The following TMPRSS11E variants were observed in gnomAD, a reference collection of about 807,000 sequenced individuals.
The protein encoded by TMPRSS11E is transmembrane protease serine 11E.
A neutral mutation model predicts 48.1 loss-of-function variants in TMPRSS11E; 38 were observed. The observed-to-expected ratio is 0.79, with a 90% CI of 0.61 to 1.04. The LOEUF is 1.04. TMPRSS11E is among the 50% of genes least tolerant of loss of function. The pLI, the probability that TMPRSS11E is intolerant of heterozygous loss-of-function variation, is 0.00. For missense variants in TMPRSS11E, 530 were observed against 510.8 expected (o/e 1.04, Z -0.36); for synonymous variants, 158 against 171.9 (o/e 0.92, Z 0.63).
intron 2 of TMPRSS11E, among the ~76,000 whole-genome samples, chr4:68,463,118 C>T (rs1220523434): frequency 6.6e-6 from 1 of 152,188 alleles, no homozygotes; most frequent in Admixed American, 6.5e-5. Flanking sequence ...AAAGAGTACT[C>T]TGTAACCTGG....
chr4:68,454,651 T>G (rs1052783575), intron 1 of TMPRSS11E, among the ~76,000 whole-genome samples: 1 of 151,944 alleles, frequency 6.6e-6, no homozygotes, highest in Non-Finnish European at 1.5e-5. Context: ...GCTGAATTAA[T>G]TCAGATAGAA....
intron 1 of TMPRSS11E, among the ~76,000 whole-genome samples, chr4:68,457,246 CA>C (rs1487625573): frequency 6.6e-6 from 1 of 152,090 alleles, no homozygotes; most frequent in Non-Finnish European, 1.5e-5. Flanking sequence ...AGGATATGAA[CA>C]GACACTTCTC....
chr4:68,489,079 T>C (rs536405896), intron 9 of TMPRSS11E, among the ~76,000 whole-genome samples: 1 of 152,206 alleles, frequency 6.6e-6, no homozygotes, highest in Non-Finnish European at 1.5e-5. Flanking sequence ...AGTTCTTGCA[T>C]TGGTTCTTTC....
Position 68,471,597 on chromosome 4 carries a change from T to C in TMPRSS11E, c.464T>C (p.Val155Ala), listed in dbSNP as rs764151212. The change falls in exon 5 of 10, where the codon GTA becomes GCA. Residue 155 changes from valine (V) to alanine (A), a missense_variant. By Grantham distance (64) the Val-to-Ala change is moderately conservative (BLOSUM62 0). Transcript: ENST00000305363. Reference protein sequence around the residue: ...KLQDAVGPPKVDPHSVKIKKI... With the variant: ...KLQDAVGPPKADPHSVKIKKI... ...CAAGATGCTGTAGGACCCCCTAAAG[T>C]AGATCCTCACTCAGTTAAAATTAAA... is the stretch of plus-strand genomic sequence containing the variant. 6.3e-7 allele frequency: 1 copy of C among 1,599,994 alleles called. No homozygotes were observed. The highest frequency in any genetic ancestry group is 8.5e-7 in the Non-Finnish European group (1 of 1,175,202).
chr4:68,450,034 G>A (rs1377011376), intron 1 of TMPRSS11E, among the ~76,000 whole-genome samples: 2 of 151,794 alleles, frequency 1.3e-5, no homozygotes, highest in East Asian at 1.9e-4. Flanking sequence ...TTGTTTACAG[G>A]AAAAACCTTG....
intron 4 of TMPRSS11E, among the ~76,000 whole-genome samples, chr4:68,469,386 T>C (rs1167472746): frequency 3.9e-5 from 6 of 151,952 alleles, no homozygotes; most frequent in Non-Finnish European, 7.4e-5. Flanking sequence ...TGAGAAAATC[T>C]CATCTGTCAA....
At chr4:68,485,427 A>C (rs1041835168) in intron 9 of TMPRSS11E, among the ~76,000 whole-genome samples, 3 of 152,086 alleles carry the variant, frequency 2.0e-5, no homozygotes, top group Non-Finnish European at 4.4e-5. Context: ...GATTACAGGC[A>C]TGAGCCACCG....
intron 1 of TMPRSS11E, among the ~76,000 whole-genome samples, chr4:68,457,176 C>A (rs1728655635): frequency 6.6e-6 from 1 of 152,074 alleles, no homozygotes; most frequent in South Asian, 2.1e-4. Context: ...GGCTAATATG[C>A]AGAATCTACA....
chr4:68,489,617 G>A lies in TMPRSS11E; in HGVS notation c.1111-7026G>A, dbSNP rs554790643. On this transcript the variant is annotated intron_variant, in intron 9 of 9. Coordinates refer to ENST00000305363, the MANE Select transcript of TMPRSS11E (RefSeq NM_014058.4). ...TGCCAGTGAGTGCATGCTGGTGGGCGCTCACTGACAGGGACCTGCCTTCAG... is the reference window on the plus strand; with the variant it reads ...TGCCAGTGAGTGCATGCTGGTGGGCACTCACTGACAGGGACCTGCCTTCAG... 1.0e-3 allele frequency among the ~76,000 whole-genome samples: 155 copies of A among 152,326 alleles called. 2 individuals are homozygous for A. Among genetic ancestry groups the A allele is most frequent in the Non-Finnish European group, 2.5e-4 (17 of 68,032 alleles).
At chr4:68,452,625 A>G (rs1477850423) in intron 1 of TMPRSS11E, among the ~76,000 whole-genome samples, 1 of 151,970 alleles carries the variant, frequency 6.6e-6, no homozygotes, top group Non-Finnish European at 1.5e-5. Flanking sequence ...CTGCCAGGTC[A>G]TGATTCTGGG....
At chr4:68,477,773 T>A in intron 8 of TMPRSS11E, 145 bp downstream of exon 8, 1 of 1,025,192 alleles carries the variant, frequency 9.8e-7, no homozygotes. Flanking sequence ...AGTAAATAAC[T>A]TGGAAGGCAC....
chr4:68,478,119 C>T (rs1729283242), intron 8 of TMPRSS11E, among the ~76,000 whole-genome samples: 1 of 148,590 alleles, frequency 6.7e-6, no homozygotes, highest in South Asian at 2.1e-4. Context: ...TTGTTCTAAA[C>T]ATATGTAGTC....
In TMPRSS11E at chr4:68,478,829, A is replaced by G; in HGVS notation, c.968-20A>G. ...AAATATATGTATGTCTACAAATACA[A>G]AGACTTTTTTTTCTTTTAGGTTACA... is the stretch of plus-strand genomic sequence containing the variant. On this transcript the variant is annotated intron_variant, in intron 8 of 9. Coordinates refer to ENST00000305363, the MANE Select transcript of TMPRSS11E (RefSeq NM_014058.4). The G allele has an allele frequency of 6.2e-7, 1 of 1,611,156 alleles. No homozygotes were observed. Among genetic ancestry groups the G allele is most frequent in the East Asian group, 2.2e-5 (1 of 44,850 alleles).
chr4:68,475,263 G>A (rs1729178835), intron 6 of TMPRSS11E, among the ~76,000 whole-genome samples: 1 of 152,098 alleles, frequency 6.6e-6, no homozygotes, highest in African/African-American at 2.4e-5. Context: ...AATTACTGAA[G>A]ACACATAGAT....
intron 1 of TMPRSS11E, among the ~76,000 whole-genome samples, chr4:68,454,606 G>A (rs890956405): frequency 3.3e-5 from 5 of 151,844 alleles, no homozygotes; most frequent in East Asian, 1.9e-4. Flanking sequence ...TTTAAACATC[G>A]AGAGGGTCTA....
chr4:68,474,766 G>A lies in TMPRSS11E; in HGVS notation c.529+5G>A, dbSNP rs1171167731. ...CAGACAGCTATCTAAACCATTGTAA[G>A]TTTAATATATTTATTAAAATAGCAT... On this transcript the variant is annotated splice_donor_5th_base_variant and intron_variant, in intron 6 of 9. Transcript: ENST00000305363. The A allele has an allele frequency of 3.1e-6, 5 of 1,594,066 alleles. No individual in the cohort carries two copies. Among genetic ancestry groups the A allele is most frequent in the Non-Finnish European group, 3.4e-6 (4 of 1,173,720 alleles).
chr4:68,449,396 C>A (rs1220262419), intron 1 of TMPRSS11E, among the ~76,000 whole-genome samples: 1 of 151,600 alleles, frequency 6.6e-6, no homozygotes, highest in African/African-American at 2.4e-5. Flanking sequence ...TTATCAGCAA[C>A]CACTGAGAAG....
chr4:68,491,383 G>A (rs138627878), intron 9 of TMPRSS11E, among the ~76,000 whole-genome samples: 2,463 of 147,542 alleles, frequency 0.017, 67 homozygotes, highest in African/African-American at 0.058. Flanking sequence ...CCCACCTGTC[G>A]TCTTCTCTCT....
chr4:68,456,027 T>C (rs1253777937), intron 1 of TMPRSS11E, among the ~76,000 whole-genome samples: 1 of 151,986 alleles, frequency 6.6e-6, no homozygotes, highest in African/African-American at 2.4e-5. Context: ...TCAACTTAAA[T>C]ATCAGTTTGT....
Sources: allele counts gnomAD v4.1 joint callset (sites outside exome capture counted in the v4.1 genomes callset), GRCh38; gene constraint gnomAD v4.1.1; transcripts MANE v1.5; gene names NCBI Gene and HGNC (gene_info 2026-07-23, HGNC 2026-07-21).